DYRK1A: variants seen among roughly 807,000 people sequenced by gnomAD.
DYRK1A encodes the protein dual specificity tyrosine-phosphorylation-regulated kinase 1A.
Under a neutral mutation model 79.7 loss-of-function variants are expected in DYRK1A, and 9 were observed. That is an observed-to-expected ratio of 0.11 (90% CI 0.07 to 0.20). DYRK1A has a LOEUF of 0.20. DYRK1A is among the 10% of genes least tolerant of loss of function. The pLI is 1.00. For synonymous variants in DYRK1A, 349 were observed against 329.7 expected (o/e 1.06, Z -0.63); for missense variants, 622 against 956.0 (o/e 0.65, Z 4.61).
At chr21:37,394,917 G>A (rs1237753616) in intron 1 of DYRK1A, among the ~76,000 whole-genome samples, 5 of 152,120 alleles carry the variant, frequency 3.3e-5, no homozygotes, top group Admixed American at 3.3e-4. Flanking sequence ...CCTCCTCCTG[G>A]GTTACGTGTT....
At chr21:37,462,021 T>TA (rs1569343896) in intron 2 of DYRK1A, among the ~76,000 whole-genome samples, 5 of 152,316 alleles carry the variant, frequency 3.3e-5, no homozygotes, top group Admixed American at 2.6e-4. Context: ...GAATTTCCAT[T>TA]TAGTTCCTTT....
chr21:37,448,930 C>T (rs1330091331), intron 2 of DYRK1A, among the ~76,000 whole-genome samples: 4 of 152,148 alleles, frequency 2.6e-5, no homozygotes, highest in South Asian at 2.1e-4. Flanking sequence ...ACTCCTGAGC[C>T]GAAGCAATCT....
In DYRK1A at chr21:37,389,932, T is replaced by TG. The variant is rs542096284; in HGVS notation, c.-77+22304_-77+22305insG. On this transcript the variant is annotated intron_variant, in intron 1 of 11. Transcript: ENST00000647188. ...TTATGTATTTTGTTTTTTGTTTTTTTTTTTTTTTAGAGACAGGGTGTTGCT... is the reference window on the plus strand; with the variant it reads ...TTATGTATTTTGTTTTTTGTTTTTTTGTTTTTTTTAGAGACAGGGTGTTGCT... Among the ~76,000 whole-genome samples the TG allele has an allele frequency of 1.3e-3, 193 of 151,746 alleles. 1 individual carries two copies. Among genetic ancestry groups the TG allele is most frequent in the African/African-American group, 4.5e-3 (185 of 41,400 alleles).
upstream of DYRK1A, among the ~76,000 whole-genome samples, chr21:37,366,546 C>T (rs893703688): frequency 2.6e-5 from 4 of 151,316 alleles, no homozygotes; most frequent in Non-Finnish European, 5.9e-5. Context: ...GCGAATCACG[C>T]GCCCTCCTCT....
At chr21:37,478,106 G>T in intron 3 of DYRK1A, 102 bp from the exon 4 acceptor site, 1 of 1,493,010 alleles carries the variant, frequency 6.7e-7, no homozygotes. Context: ...CTTTAAAAAA[G>T]TAGATACATG....
chr21:37,490,812 A>G lies in DYRK1A; in HGVS notation c.924+351A>G, dbSNP rs766148476. 4.6e-5 allele frequency among the ~76,000 whole-genome samples: 7 copies of G among 152,104 alleles called. No individual in the cohort carries two copies. In the East Asian group the frequency reaches 1.2e-3, roughly 25 times the overall value. On this transcript the variant is annotated intron_variant, in intron 7 of 11. Transcript: ENST00000647188. ...TTGAAATGGGTATATTTAAAATTGTATGTATGCTAAAAGATTAAGGGAGAG... is the reference window on the plus strand; with the variant it reads ...TTGAAATGGGTATATTTAAAATTGTGTGTATGCTAAAAGATTAAGGGAGAG...
intron 2 of DYRK1A, among the ~76,000 whole-genome samples, chr21:37,427,590 A>G (rs2037359641): frequency 6.6e-6 from 1 of 152,174 alleles, no homozygotes; most frequent in Non-Finnish European, 1.5e-5. Flanking sequence ...GGATACTATT[A>G]TCGTGTTTTT....
At chr21:37,373,296 A>C (rs764058858) in intron 1 of DYRK1A, among the ~76,000 whole-genome samples, 1 of 152,250 alleles carries the variant, frequency 6.6e-6, no homozygotes, top group Non-Finnish European at 1.5e-5. Context: ...AAAATGGCAC[A>C]GTAGCAATAA....
At chr21:37,367,665 G>T (rs2049337053) in intron 1 of DYRK1A, 37 bp downstream of exon 1, 1 of 146,108 alleles carries the variant, frequency 6.8e-6, no homozygotes, top group African/African-American at 2.5e-5. Context: ...CGCCCGGCCT[G>T]GCGCTCGGCT....
At chr21:37,459,501 A>G (rs2051766681) in intron 2 of DYRK1A, among the ~76,000 whole-genome samples, 1 of 92,396 alleles carries the variant, frequency 1.1e-5, no homozygotes, top group Non-Finnish European at 2.5e-5. Context: ...TAGATCTTGT[A>G]GATTTTTGAA....
At chr21:37,483,546 T>C (rs1291354793) in intron 5 of DYRK1A, among the ~76,000 whole-genome samples, 1 of 152,170 alleles carries the variant, frequency 6.6e-6, no homozygotes, top group Non-Finnish European at 1.5e-5. Flanking sequence ...GAGGGGGTTT[T>C]CAGTGCTTTG....
At chr21:37,385,698 C>T (rs975883411) in intron 1 of DYRK1A, among the ~76,000 whole-genome samples, 1 of 152,152 alleles carries the variant, frequency 6.6e-6, no homozygotes, top group Admixed American at 6.5e-5. Flanking sequence ...TCTTTCTTAT[C>T]GCTTCATGAC....
At chr21:37,463,871 T>C (rs907600042) in intron 2 of DYRK1A, among the ~76,000 whole-genome samples, 5 of 152,236 alleles carry the variant, frequency 3.3e-5, no homozygotes, top group Admixed American at 2.6e-4. Context: ...TCTTAGAACC[T>C]CAGCCTCATA....
At chr21:37,494,334 TTAC>T (rs1352309055) in intron 8 of DYRK1A, among the ~76,000 whole-genome samples, 30 of 152,238 alleles carry the variant, frequency 2.0e-4, no homozygotes, top group Non-Finnish European at 1.8e-4. Flanking sequence ...CTTTGCCATG[TTAC>T]TCATTGTAAA....
chr21:37,481,253 G>T (rs894941617), intron 5 of DYRK1A: 1 of 153,248 alleles, frequency 6.5e-6, no homozygotes, highest in African/African-American at 2.4e-5. Context: ...GGAGGCTTTG[G>T]AAAGCTGGGG....
chr21:37,378,359 C>G (rs1199179095), intron 1 of DYRK1A, among the ~76,000 whole-genome samples: 3 of 152,048 alleles, frequency 2.0e-5, no homozygotes, highest in Non-Finnish European at 4.4e-5. Flanking sequence ...ATGGAGAAAC[C>G]CTGTCTCTAC....
chr21:37,387,164 A>G (rs1313419391), intron 1 of DYRK1A, among the ~76,000 whole-genome samples: 1 of 152,218 alleles, frequency 6.6e-6, no homozygotes, highest in Non-Finnish European at 1.5e-5. Context: ...CCGGGTAGGC[A>G]ACCCTGTCCC....
intron 7 of DYRK1A, among the ~76,000 whole-genome samples, chr21:37,492,018 A>G (rs948962369): frequency 3.3e-5 from 5 of 152,234 alleles, no homozygotes; most frequent in Non-Finnish European, 5.9e-5. Flanking sequence ...CTTTAAACAA[A>G]TTAGATAGGG....
chr21:37,481,742 A>C (rs975470113), intron 5 of DYRK1A: 2 of 152,088 alleles, frequency 1.3e-5, no homozygotes, highest in African/African-American at 4.8e-5. Flanking sequence ...GTGGTGACTC[A>C]CACCTATAAT....
Sources: allele counts gnomAD v4.1 joint callset (sites outside exome capture counted in the v4.1 genomes callset), GRCh38; gene constraint gnomAD v4.1.1; transcripts MANE v1.5; gene names NCBI Gene and HGNC (gene_info 2026-07-23, HGNC 2026-07-21).